Variants in CDH9 observed in about 807,000 individuals in gnomAD.
The protein encoded by CDH9 is cadherin-9.
A neutral mutation model predicts 70.9 loss-of-function variants in CDH9; 28 were observed. That is an observed-to-expected ratio of 0.40 (90% CI 0.29 to 0.54). The LOEUF (loss-of-function observed/expected upper bound fraction) is 0.54. Among genes scored for constraint, CDH9 ranks in the 20% least tolerant of loss-of-function variants. The pLI is 0.59. For synonymous variants in CDH9, 409 were observed against 343.1 expected, an observed-to-expected ratio of 1.19 and a Z score of -2.12; for missense variants, 874 against 984.4, an observed-to-expected ratio of 0.89 and a Z score of 1.50.
At chr5:26,947,236 G>A (rs1027700258) in intron 2 of CDH9, among the ~76,000 whole-genome samples, 9 of 152,114 alleles carry the variant, frequency 5.9e-5, no homozygotes, top group African/African-American at 1.9e-4. Context: ...ATCATGCTGA[G>A]AAATTTGTTT....
intron 1 of CDH9, among the ~76,000 whole-genome samples, chr5:26,998,841 G>C (rs1259264811): frequency 6.6e-6 from 1 of 152,078 alleles, no homozygotes; most frequent in Admixed American, 6.5e-5. Flanking sequence ...CCATCTGAGT[G>C]GACTTCCCTT....
intron 2 of CDH9, among the ~76,000 whole-genome samples, chr5:26,917,557 A>G (rs1352542537): frequency 1.3e-5 from 2 of 152,084 alleles, no homozygotes. Flanking sequence ...TTGACTATTT[A>G]AATTATGTTT....
In CDH9 at chr5:26,911,597, T is replaced by G. The variant is rs572044311; in HGVS notation, c.523+4033A>C. Reference sequence around the variant, plus strand: ...ATCACCAAATTTACAAAACAAAAATTTGCCTAGGTGAAGACGAAAGCATGC... The same window carrying G: ...ATCACCAAATTTACAAAACAAAAATGTGCCTAGGTGAAGACGAAAGCATGC... On this transcript the variant is annotated intron_variant, in intron 3 of 11. Transcript: ENST00000231021. Among the ~76,000 whole-genome samples, 6 of 152,170 alleles carry G rather than the reference T, an allele frequency of 3.9e-5. No homozygotes were observed. The South Asian group carries it at 1.2e-3, about 32-fold the overall frequency.
intron 2 of CDH9, among the ~76,000 whole-genome samples, chr5:26,966,822 C>T (rs1472059102): frequency 1.3e-5 from 2 of 152,108 alleles, no homozygotes; most frequent in Admixed American, 6.6e-5. Flanking sequence ...TTTCTGCTCC[C>T]CAAACATAAA....
chr5:26,923,272 T>A (rs1290714374), intron 2 of CDH9, among the ~76,000 whole-genome samples: 3 of 151,546 alleles, frequency 2.0e-5, no homozygotes, highest in Non-Finnish European at 1.5e-5. Context: ...AGTAGCTATA[T>A]TTAGACAAAA....
intron 1 of CDH9, among the ~76,000 whole-genome samples, chr5:26,989,875 C>G (rs1742551903): frequency 6.6e-6 from 1 of 152,082 alleles, no homozygotes; most frequent in Non-Finnish European, 1.5e-5. Flanking sequence ...ATACCTGACC[C>G]ACAAGGTATT....
chr5:26,885,859 G>C lies in CDH9; in HGVS notation c.1637C>G (p.Thr546Arg). The change falls in exon 11 of 12, where the codon ACA (threonine) becomes AGA (arginine). Residue 546 changes from threonine to arginine, a missense_variant. By Grantham distance (71) the Thr-to-Arg change is moderately conservative. Transcript: ENST00000231021. Reference protein sequence around the residue: ...NFTIVDNKDNTAGIMTRKDGY... With the variant: ...NFTIVDNKDNRAGIMTRKDGY... ...ATCTTTCCGAGTCATGATTCCTGCTGTATTATCTGGGGGAGAAAACATGTA... is the reference window on the plus strand; with the variant it reads ...ATCTTTCCGAGTCATGATTCCTGCTCTATTATCTGGGGGAGAAAACATGTA... 1 of 1,613,586 alleles carries C rather than the reference G, an allele frequency of 6.2e-7. No individual in the cohort carries two copies. The highest frequency in any genetic ancestry group is 8.5e-7 in the Non-Finnish European group (1 of 1,179,688).
intron 2 of CDH9, among the ~76,000 whole-genome samples, chr5:26,979,259 G>A (rs1315646856): frequency 6.6e-6 from 1 of 151,594 alleles, no homozygotes; most frequent in East Asian, 1.9e-4. Flanking sequence ...TGTAAGATGA[G>A]TGTATTATAT....
At position 26,954,388 on chromosome 5, in the gene CDH9, C is replaced by CTTTTTTTTTTTTTTTTTT. The variant is rs59882843; in HGVS notation, c.228+33717_228+33718insAAAAAAAAAAAAAAAAAA. On this transcript the variant is annotated intron_variant, in intron 2 of 11. Transcript: ENST00000231021. ...AGCTTTTCGCTATTATACAGCCTTTCTTTTTTTTTTTTTTGAGACATAGTC... is the reference window on the plus strand; with the variant it reads ...AGCTTTTCGCTATTATACAGCCTTTCTTTTTTTTTTTTTTTTTTTTTTTTTTTTTTTTGAGACATAGTC... Among the ~76,000 whole-genome samples the CTTTTTTTTTTTTTTTTTT allele has an allele frequency of 6.9e-4, 64 of 93,052 alleles. 10 individuals are homozygous for CTTTTTTTTTTTTTTTTTT. Among genetic ancestry groups the CTTTTTTTTTTTTTTTTTT allele is most frequent in the African/African-American group, 2.6e-3 (55 of 21,270 alleles). The allele number at this position is 93,052 out of a possible 152,430, so 61.0% of individuals were successfully genotyped here. A position where few individuals can be genotyped will look rare whatever the true frequency, so the allele number is the denominator to read the frequency against.
At chr5:26,966,628 C>T (rs1742134351) in intron 2 of CDH9, among the ~76,000 whole-genome samples, 1 of 152,268 alleles carries the variant, frequency 6.6e-6, no homozygotes, top group Non-Finnish European at 1.5e-5. Context: ...GCCTTCTACT[C>T]ACAACAGTAA....
chr5:26,885,361 G>T lies in CDH9; in HGVS notation c.1882+253C>A, dbSNP rs139661947. 7.8e-3 allele frequency among the ~76,000 whole-genome samples: 1,182 copies of T among 152,228 alleles called. 12 individuals carry two copies. The highest frequency in any genetic ancestry group is 0.01 in the Middle Eastern group (3 of 294). ...CATAGTCAAAAATATAATAGCTAATGCTATAAAGTATATATTTTTAAATAC... is the reference window on the plus strand; with the variant it reads ...CATAGTCAAAAATATAATAGCTAATTCTATAAAGTATATATTTTTAAATAC... On this transcript the variant is annotated intron_variant, in intron 11 of 11. Coordinates refer to ENST00000231021, the MANE Select transcript of CDH9 (RefSeq NM_016279.4).
intron 2 of CDH9, among the ~76,000 whole-genome samples, chr5:26,981,544 G>A (rs777743377): frequency 6.6e-6 from 1 of 152,086 alleles, no homozygotes; most frequent in Non-Finnish European, 1.5e-5. Flanking sequence ...AGAGCCAACT[G>A]TACTAAAAAT....
intron 2 of CDH9, among the ~76,000 whole-genome samples, chr5:26,929,228 A>G (rs778124844): frequency 6.6e-6 from 1 of 152,160 alleles, no homozygotes; most frequent in Non-Finnish European, 1.5e-5. Flanking sequence ...GCAAACACGT[A>G]TATGAAAATG....
intron 7 of CDH9, among the ~76,000 whole-genome samples, chr5:26,898,806 C>T (rs550644048): frequency 6.6e-6 from 1 of 152,132 alleles, no homozygotes; most frequent in East Asian, 1.9e-4. Context: ...ACAACAAAAG[C>T]CAAAATTGAT....
rs766438507 is a variant in CDH9 at position 26,988,131 on chromosome 5, C to G, written c.203G>C (p.Gly68Ala). 1 of 1,612,594 alleles carries G rather than the reference C, an allele frequency of 6.2e-7. No individual in the cohort carries two copies. Among genetic ancestry groups the G allele is most frequent in the Non-Finnish European group, 8.5e-7 (1 of 1,179,114 alleles). ...CTTGCCTACATATTGTGTGTCAGTACCTGTGTACTCTTCCAATAAGAAGAA... is the reference window on the plus strand; with the variant it reads ...CTTGCCTACATATTGTGTGTCAGTAGCTGTGTACTCTTCCAATAAGAAGAA... ...NQFFLLEEYT[G>A]TDTQYVGKLH... The change falls in exon 2 of 12, where the codon GGT (glycine) becomes GCT (alanine). Residue 68 changes from glycine to alanine, a missense_variant. By Grantham distance (60) the Gly-to-Ala change is moderately conservative (BLOSUM62 0). Coordinates refer to ENST00000231021, the MANE Select transcript of CDH9 (RefSeq NM_016279.4).
At chr5:26,890,780 G>T in intron 7 of CDH9, 1 of 457,568 alleles carries the variant, frequency 2.2e-6, no homozygotes. Context: ...GTGTACTTTA[G>T]AACTGTTATT....
At chr5:27,017,179 G>A (rs1743060790) in intron 1 of CDH9, among the ~76,000 whole-genome samples, 2 of 151,872 alleles carry the variant, frequency 1.3e-5, no homozygotes, top group Non-Finnish European at 2.9e-5. Context: ...AATCATAAGA[G>A]ACACACATAC....
intron 11 of CDH9, among the ~76,000 whole-genome samples, chr5:26,884,841 T>A (rs138727382): frequency 1.3e-5 from 2 of 152,200 alleles, no homozygotes; most frequent in Non-Finnish European, 2.9e-5. Flanking sequence ...GTGGAACAAC[T>A]GTTTAATTGA....
intron 11 of CDH9, among the ~76,000 whole-genome samples, chr5:26,883,093 AT>A (rs1216932765): frequency 3.1e-4 from 38 of 123,244 alleles, no homozygotes; most frequent in African/African-American, 7.8e-4. Context: ...ATATATATAT[AT>A]AAAACTGCAG....
Sources: allele counts gnomAD v4.1 joint callset (sites outside exome capture counted in the v4.1 genomes callset), GRCh38; gene constraint gnomAD v4.1.1; transcripts MANE v1.5; gene names NCBI Gene and HGNC (gene_info 2026-07-23, HGNC 2026-07-21).